PUDP: variants seen among roughly 807,000 people sequenced by gnomAD.
PUDP encodes the protein pseudouridine 5'-phosphatase, also known as pseudouridine-5'-phosphatase.
Under a neutral mutation model 9.4 loss-of-function variants are expected in PUDP, and 8 were observed. The ratio of observed to expected loss-of-function variants is 0.85; its 90% confidence interval spans 0.50 to 1.53. PUDP has a LOEUF of 1.53. Ranked by LOEUF, PUDP falls within the 40% of genes most tolerant of loss-of-function variation. The probability of loss-of-function intolerance (pLI) is 0.00; values close to 1 mark genes in which losing one functional copy is unlikely to be tolerated. For synonymous variants in PUDP, 99 were observed against 80.7 expected, an observed-to-expected ratio of 1.23 and a Z score of -1.22; for missense variants, 188 against 189.7, an observed-to-expected ratio of 0.99 and a Z score of 0.05.
At chrX:7,060,985 A>T (rs1419951445) in intron 3 of PUDP, among the ~76,000 whole-genome samples, 1 of 111,785 alleles carries the variant, frequency 8.9e-6, no homozygotes, top group African/African-American at 3.3e-5. Context: ...TTTCCTTTAG[A>T]TAGAGAGGGG....
intron 3 of PUDP, among the ~76,000 whole-genome samples, chrX:6,851,604 G>C (rs1569110935): frequency 9.0e-6 from 1 of 111,536 alleles, no homozygotes. Flanking sequence ...GATAATTACA[G>C]GGCATTTTAA....
intron 3 of PUDP, among the ~76,000 whole-genome samples, chrX:6,949,218 T>G (rs186337739): frequency 1.8e-5 from 2 of 112,348 alleles, no homozygotes; most frequent in East Asian, 5.6e-4. Flanking sequence ...TTGTTGTCCT[T>G]GCTTTCCATG....
intron 1 of PUDP, among the ~76,000 whole-genome samples, chrX:6,979,983 G>C (rs1289982996): frequency 1.8e-5 from 2 of 110,611 alleles, no homozygotes; most frequent in Non-Finnish European, 1.9e-5. Context: ...TACATGTGCA[G>C]GTTTGTTACT....
intron 1 of PUDP, among the ~76,000 whole-genome samples, chrX:6,991,129 G>A (rs1929170543): frequency 8.9e-6 from 1 of 111,800 alleles, no homozygotes; most frequent in African/African-American, 3.3e-5. Flanking sequence ...CAGGACGCTT[G>A]CCCCCAAGCA....
chrX:6,729,906 C>T (rs1333919061), intron 3 of PUDP, among the ~76,000 whole-genome samples: 1 of 111,535 alleles, frequency 9.0e-6, no homozygotes, highest in East Asian at 2.8e-4. Context: ...TTGTGCCACC[C>T]GACCCCAGCC....
intron 3 of PUDP, among the ~76,000 whole-genome samples, chrX:6,751,730 C>T (rs1327333774): frequency 9.0e-6 from 1 of 111,434 alleles, no homozygotes; most frequent in Non-Finnish European, 1.9e-5. Context: ...CTTCTCACCT[C>T]AGAAATCCTC....
At chrX:6,879,305 G>C (rs1440950313) in intron 3 of PUDP, among the ~76,000 whole-genome samples, 2 of 111,854 alleles carry the variant, frequency 1.8e-5, no homozygotes, top group African/African-American at 6.5e-5. Context: ...GCTAAGATTG[G>C]ATTATGCTTG....
intron 1 of PUDP, among the ~76,000 whole-genome samples, chrX:7,000,059 A>C (rs1316386895): frequency 9.1e-6 from 1 of 109,364 alleles, no homozygotes; most frequent in Non-Finnish European, 1.9e-5. Context: ...TAGAAAGAAC[A>C]AAGTACTAAG....
intron 3 of PUDP, among the ~76,000 whole-genome samples, chrX:6,856,726 G>T (rs1926912174): frequency 9.0e-6 from 1 of 111,625 alleles, no homozygotes; most frequent in Admixed American, 9.6e-5. Context: ...GGCCCACAGG[G>T]TGCCCTAACA....
chrX:6,840,199 G>T (rs1926646472), intron 3 of PUDP, among the ~76,000 whole-genome samples: 1 of 111,707 alleles, frequency 9.0e-6, no homozygotes, highest in Non-Finnish European at 1.9e-5. Context: ...CTCTCATTCT[G>T]TCTTGCCTGC....
intron 3 of PUDP, among the ~76,000 whole-genome samples, chrX:6,911,551 G>A (rs1297606556): frequency 3.6e-5 from 4 of 111,437 alleles, no homozygotes; most frequent in African/African-American, 1.3e-4. Context: ...TACTTTACTG[G>A]CCTTTCTTTT....
intron 3 of PUDP, among the ~76,000 whole-genome samples, chrX:6,742,702 G>A (rs963635456): frequency 1.8e-5 from 2 of 111,861 alleles, no homozygotes; most frequent in African/African-American, 6.5e-5. Context: ...GTAAGACCAG[G>A]CGTTCAAGGC....
chrX:6,844,757 G>A (rs1390521225), intron 3 of PUDP, among the ~76,000 whole-genome samples: 1 of 112,230 alleles, frequency 8.9e-6, no homozygotes, highest in African/African-American at 3.2e-5. Context: ...TATTCAAGCT[G>A]GAGAACCAGG....
At chrX:7,146,136 G>T (rs1338495288) in intron 1 of PUDP, among the ~76,000 whole-genome samples, 1 of 111,058 alleles carries the variant, frequency 9.0e-6, no homozygotes, top group Non-Finnish European at 1.9e-5. Flanking sequence ...AAAATGAGGG[G>T]GGGGAATAAA....
intron 3 of PUDP, among the ~76,000 whole-genome samples, chrX:6,967,928 C>T (rs920925709): frequency 8.9e-6 from 1 of 112,357 alleles, no homozygotes; most frequent in African/African-American, 3.2e-5. Context: ...AAGGAAAGAG[C>T]GCTGCTCAGA....
intron 3 of PUDP, among the ~76,000 whole-genome samples, chrX:6,737,866 G>A (rs1174184058): frequency 9.9e-5 from 11 of 111,324 alleles, no homozygotes; most frequent in African/African-American, 3.3e-4. Flanking sequence ...TGAGGGCTTT[G>A]TGCTGTCGAT....
chrX:6,709,525 C>T (rs1031034207), intron 1 of PUDP, among the ~76,000 whole-genome samples: 6 of 111,917 alleles, frequency 5.4e-5, no homozygotes, highest in East Asian at 2.8e-4. Context: ...CTCCATCACC[C>T]GAAGCGTTTA....
chrX:6,932,736 C>CG lies in PUDP; in HGVS notation c.*247+44396dup, dbSNP rs757358569. ...CCAGGTCAAAGAAAGGGGTGACGGACGCACCTGGAAAATCGGGTCACTCCC... is the reference window on the plus strand; with the variant it reads ...CCAGGTCAAAGAAAGGGGTGACGGACGGCACCTGGAAAATCGGGTCACTCCC... On this transcript the variant is annotated intron_variant and NMD_transcript_variant, in intron 3 of 3. Transcript: ENST00000655425. Among the ~76,000 whole-genome samples, 11 of 111,393 alleles carry CG rather than the reference C, an allele frequency of 9.9e-5. No homozygotes were observed. In the South Asian group the frequency reaches 3.8e-3, roughly 39 times the overall value.
At chrX:6,926,476 A>T (rs865775026) in intron 3 of PUDP, among the ~76,000 whole-genome samples, 2 of 112,357 alleles carry the variant, frequency 1.8e-5, no homozygotes, top group African/African-American at 6.5e-5. Context: ...TTTTCTTGGA[A>T]GGCGCTGTTC....
Sources: allele counts gnomAD v4.1 joint callset (sites outside exome capture counted in the v4.1 genomes callset), GRCh38; gene constraint gnomAD v4.1.1; transcripts MANE v1.5; gene names NCBI Gene and HGNC (gene_info 2026-07-23, HGNC 2026-07-21).